The following SPACA6 variants were observed in gnomAD, a reference collection of about 807,000 sequenced individuals.
The protein encoded by SPACA6 is sperm acrosome membrane-associated protein 6.
For missense variants in SPACA6, 8 were observed against 2.8 expected (o/e 2.88, Z -1.34); for synonymous variants, 6 against 1.5 (o/e 4.05, Z -2.21).
Position 51,704,320 on chromosome 19 carries a change from G to C in SPACA6, c.781G>C (p.Glu261Gln), listed in dbSNP as rs567590983. ...GACAGAGTTGCAGGCCTCGTTCCGG[G>C]AAGTGCTGCGCTGGGCGCCGCGGGA... ...AETELQASFR[E>Q]VLRWAPRDAE... The change falls in exon 8 of 9, where the codon GAA (glutamate) becomes CAA (glutamine). Residue 261 changes from glutamate (E) to glutamine (Q), a missense_variant. Glu to Gln is a conservative substitution (Grantham distance 29). Coordinates refer to ENST00000637797, the MANE Select transcript of SPACA6 (RefSeq NM_001316972.2). The C allele has an allele frequency of 7.5e-6, 3 of 400,882 alleles. No homozygotes were observed. The Admixed American group carries it at 1.3e-4, about 18-fold the overall frequency. 24.8% of individuals were successfully genotyped at this position (400,882 alleles called of 1,614,324 possible).
intron 2 of SPACA6, among the ~76,000 whole-genome samples, chr19:51,695,070 A>G (rs1268086649): frequency 3.3e-5 from 5 of 151,888 alleles, no homozygotes; most frequent in African/African-American, 1.2e-4. Flanking sequence ...ATACACTCAC[A>G]CTCACACACA....
upstream of SPACA6, among the ~76,000 whole-genome samples, chr19:51,685,065 C>T (rs12459728): frequency 0.03 from 4,605 of 152,252 alleles, 109 homozygotes; most frequent in East Asian, 0.068. Context: ...TCTATAGTAT[C>T]AACGTGTAAG....
upstream of SPACA6, among the ~76,000 whole-genome samples, chr19:51,691,010 G>A (rs931865525): frequency 1.9e-3 from 9 of 4,682 alleles, no homozygotes; most frequent in African/African-American, 8.3e-3. Context: ...AGGAGGGAAG[G>A]GGGAAGAGAG....
chr19:51,684,396 AT>A (rs1440666010), upstream of SPACA6, among the ~76,000 whole-genome samples: 1 of 152,210 alleles, frequency 6.6e-6, no homozygotes, highest in Non-Finnish European at 1.5e-5. Context: ...GAGAAAGGCT[AT>A]AGGGAAACCC....
chr19:51,694,039 A>G (rs74552391), intron 1 of SPACA6: 12,063 of 275,514 alleles, frequency 0.044, 422 homozygotes, highest in South Asian at 0.12. Flanking sequence ...ATGGAGACTC[A>G]GGAGTATGGA....
In SPACA6 at chr19:51,696,981, G is replaced by A. The variant is rs1385377966; in HGVS notation, c.292+2426G>A. On this transcript the variant is annotated intron_variant, in intron 2 of 8. Coordinates refer to ENST00000637797, the MANE Select transcript of SPACA6 (RefSeq NM_001316972.2). ...CCTCCTGTAGATCCTCATAGACAGG[G>A]GGTTCTCAAGCCCCAGCATACATCA... 2.0e-5 allele frequency among the ~76,000 whole-genome samples: 3 copies of A among 152,232 alleles called. No homozygotes were observed. In the East Asian group the frequency reaches 5.8e-4, roughly 29 times the overall value.
upstream of SPACA6, chr19:51,692,619 A>C (rs757194245): frequency 1.9e-6 from 1 of 529,342 alleles, no homozygotes; most frequent in Non-Finnish European, 3.9e-6. The surrounding 1 kb of genome is among the most constrained non-coding windows in gnomAD (Gnocchi z 5.6). Flanking sequence ...CCTGGCACCC[A>C]CCCGTAGAAC....
intron 2 of SPACA6, among the ~76,000 whole-genome samples, chr19:51,696,781 G>A (rs991834280): frequency 2.0e-5 from 3 of 152,156 alleles, no homozygotes; most frequent in Non-Finnish European, 4.4e-5. Flanking sequence ...GGTCAGGGCA[G>A]GTGGAAATGA....
chr19:51,702,704 GGACGAAACGTAC>G (rs2122221429), intron 4 of SPACA6, 52 bp downstream of exon 4: 1 of 399,132 alleles, frequency 2.5e-6, no homozygotes, highest in Non-Finnish European at 4.4e-6. Flanking sequence ...AGGCGGTCGG[GGACGAAACGTAC>G]GACATCAAGT....
At chr19:51,708,829 C>T (rs1469875523), downstream of SPACA6, among the ~76,000 whole-genome samples, 2 of 150,622 alleles carry the variant, frequency 1.3e-5, no homozygotes, top group East Asian at 2.0e-4. Flanking sequence ...AATGGCACTC[C>T]GGCCTGGGCA....
intron 2 of SPACA6, 149 bp downstream of exon 2, chr19:51,694,704 A>G (rs988224950): frequency 2.5e-6 from 1 of 396,928 alleles, no homozygotes; most frequent in Non-Finnish European, 4.4e-6. Flanking sequence ...GAGCTCAGCT[A>G]CTTGTCCAAA....
chr19:51,704,571 C>T (rs2083499795), intron 8 of SPACA6, 91 bp downstream of exon 8: 1 of 400,232 alleles, frequency 2.5e-6, no homozygotes, highest in Admixed American at 4.4e-5. Context: ...ACCTCCAACC[C>T]AGGAGGTCAG....
rs553677516 is a variant in SPACA6 at position 51,704,154 on chromosome 19, G to A, written c.698G>A (p.Arg233His). The change falls in exon 7 of 9, where the codon CGC becomes CAC. Residue 233 changes from arginine to histidine, a missense_variant. Arg to His is a conservative substitution (Grantham distance 29). Transcript: ENST00000637797. ...TFSCVIKQDQ[R>H]PLARLYFFLN... is the part of the protein sequence containing the mutation. ...TCCTGCGTGATCAAGCAAGACCAGCGCCCCCTGGCCCGGCTCTACTTCTTT... is the reference window on the plus strand; with the variant it reads ...TCCTGCGTGATCAAGCAAGACCAGCACCCCCTGGCCCGGCTCTACTTCTTT... The A allele has an allele frequency of 1.0e-5, 4 of 400,994 alleles. No individual in the cohort carries two copies. The highest frequency in any genetic ancestry group is 1.3e-5 in the Non-Finnish European group (3 of 226,170). 24.8% of individuals were successfully genotyped at this position (400,994 alleles called of 1,614,324 possible).
chr19:51,691,207 A>AGG (rs1270048162), upstream of SPACA6, among the ~76,000 whole-genome samples: 1 of 148,270 alleles, frequency 6.7e-6, no homozygotes, highest in Non-Finnish European at 1.5e-5. Flanking sequence ...GAGAAAAGAG[A>AGG]GAGAGAGAAG....
At position 51,697,404 on chromosome 19, in the gene SPACA6, G is replaced by A. The variant is rs80196312; in HGVS notation, c.292+2849G>A. Among the ~76,000 whole-genome samples the A allele has an allele frequency of 4.2e-3, 634 of 152,260 alleles. 34 individuals carry two copies. In the East Asian group the frequency reaches 0.093, roughly 22 times the overall value. ...GTGGGGTGGGCATAAGGATTTGACCGTGTGCCAGGCTTGCCCATGCGTGCA... is the reference window on the plus strand; with the variant it reads ...GTGGGGTGGGCATAAGGATTTGACCATGTGCCAGGCTTGCCCATGCGTGCA... On this transcript the variant is annotated intron_variant, in intron 2 of 8. Coordinates refer to ENST00000637797, the MANE Select transcript of SPACA6 (RefSeq NM_001316972.2).
At chr19:51,687,442 A>C (rs1336721161), upstream of SPACA6, 1 of 147,900 alleles carries the variant, frequency 6.8e-6, no homozygotes, top group Non-Finnish European at 1.5e-5. Context: ...AAAATGAATG[A>C]GGAGGTTCTA....
intron 2 of SPACA6, among the ~76,000 whole-genome samples, chr19:51,696,365 G>C (rs377294403): frequency 6.6e-6 from 1 of 152,114 alleles, no homozygotes; most frequent in South Asian, 2.1e-4. Flanking sequence ...AAACATAATC[G>C]ATAAAATATC....
At chr19:51,709,705 C>G (rs1389908107), downstream of SPACA6, among the ~76,000 whole-genome samples, 3 of 151,770 alleles carry the variant, frequency 2.0e-5, no homozygotes, top group Non-Finnish European at 2.9e-5. Flanking sequence ...GACTTGATTT[C>G]CATGGCTACT....
chr19:51,712,818 G>T (rs1438271459), downstream of SPACA6, among the ~76,000 whole-genome samples: 1 of 152,188 alleles, frequency 6.6e-6, no homozygotes, highest in Non-Finnish European at 1.5e-5. Flanking sequence ...AAAGGGATGT[G>T]TTACCCTTCT....
Sources: allele counts gnomAD v4.1 joint callset (sites outside exome capture counted in the v4.1 genomes callset), GRCh38; gene constraint gnomAD v4.1.1; non-coding constraint Gnocchi (gnomAD v3.1); transcripts MANE v1.5; gene names NCBI Gene and HGNC (gene_info 2026-07-23, HGNC 2026-07-21).